Variants in BBS9 observed in about 807,000 individuals in gnomAD.
The protein encoded by BBS9 is protein PTHB1.
A neutral mutation model predicts 117.7 loss-of-function variants in BBS9; 89 were observed. The ratio of observed to expected loss-of-function variants is 0.76; its 90% CI spans 0.64 to 0.90. The LOEUF is 0.90. BBS9 is among the 40% of genes least tolerant of loss of function. The pLI is 0.00. For missense variants in BBS9, 982 were observed against 1,042.2 expected (o/e 0.94, Z 0.80); for synonymous variants, 379 against 370.9 (o/e 1.02, Z -0.25).
intron 20 of BBS9, among the ~76,000 whole-genome samples, chr7:33,520,757 G>GCCTTAAACTC (rs1848480231): frequency 6.6e-6 from 1 of 152,168 alleles, no homozygotes; most frequent in African/African-American, 2.4e-5. Context: ...AATGACCACA[G>GCCTTAAACTC]AGGAAAAGGC....
rs1318034573 is a variant in BBS9, at chr7:33,303,532, C to CCCG, written c.1016+29577_1016+29578insCGC. On this transcript the variant is annotated intron_variant, in intron 9 of 22. Coordinates refer to ENST00000242067, the MANE Select transcript of BBS9 (RefSeq NM_198428.3). ...ACTGAAATGATCCCCTCCCCCCGCC[C>CCCG]CTTCTTTCTTTGGTCTCCCTCTGTT... Among the ~76,000 whole-genome samples, 506 of 129,962 alleles carry CCCG rather than the reference C, an allele frequency of 3.9e-3. 9 individuals are homozygous for CCCG. Among genetic ancestry groups the CCCG allele is most frequent in the African/African-American group, 0.013 (440 of 32,818 alleles). The allele number at this position is 129,962 out of a possible 152,430, so 85.3% of individuals were successfully genotyped here.
At chr7:33,381,778 A>G (rs569349812) in intron 17 of BBS9, among the ~76,000 whole-genome samples, 3 of 152,144 alleles carry the variant, frequency 2.0e-5, no homozygotes, top group Non-Finnish European at 4.4e-5. Context: ...ATGGGGTATG[A>G]CTTCAGCAGC....
chr7:33,432,160 C>T (rs1343288583), intron 19 of BBS9, among the ~76,000 whole-genome samples: 1 of 150,974 alleles, frequency 6.6e-6, no homozygotes, highest in East Asian at 1.9e-4. Context: ...TCTCGTCTCA[C>T]TGCAATGGTG....
At chr7:33,527,492 G>T (rs1371123168) in intron 20 of BBS9, among the ~76,000 whole-genome samples, 8 of 152,212 alleles carry the variant, frequency 5.3e-5, no homozygotes, top group Non-Finnish European at 1.2e-4. Flanking sequence ...CAATATTCGG[G>T]TGGGAGTGAC....
chr7:33,140,185 C>A (rs996938240), intron 1 of BBS9, among the ~76,000 whole-genome samples: 1 of 152,032 alleles, frequency 6.6e-6, no homozygotes, highest in South Asian at 2.1e-4. Context: ...CCACCACACC[C>A]GGCTAATTTT....
intron 4 of BBS9, among the ~76,000 whole-genome samples, chr7:33,157,222 C>T (rs996599824): frequency 2.6e-5 from 4 of 151,966 alleles, no homozygotes; most frequent in African/African-American, 9.7e-5. Context: ...GGGCTTAGAG[C>T]ACAGACAAGG....
At chr7:33,239,202 T>C (rs1477776558) in intron 5 of BBS9, among the ~76,000 whole-genome samples, 1 of 152,072 alleles carries the variant, frequency 6.6e-6, no homozygotes, top group African/African-American at 2.4e-5. Flanking sequence ...TTTGCATAAT[T>C]TATAATAATA....
chr7:33,238,569 C>T (rs1401674474), intron 5 of BBS9, among the ~76,000 whole-genome samples: 1 of 152,160 alleles, frequency 6.6e-6, no homozygotes, highest in Non-Finnish European at 1.5e-5. Context: ...GCTGAGATTA[C>T]AGGTGTGAGA....
intron 21 of BBS9, among the ~76,000 whole-genome samples, chr7:33,623,397 A>G (rs114108030): frequency 1.6e-3 from 239 of 152,306 alleles, no homozygotes; most frequent in African/African-American, 5.5e-3. Flanking sequence ...GTTGGAAAGG[A>G]CATAGAACAG....
chr7:33,465,674 A>G (rs1343150820), intron 19 of BBS9, among the ~76,000 whole-genome samples: 1 of 152,030 alleles, frequency 6.6e-6, no homozygotes, highest in Non-Finnish European at 1.5e-5. Flanking sequence ...CAGTTTTCTC[A>G]TCTGTAAAGT....
chr7:33,164,088 A>G (rs1584243048), intron 4 of BBS9, among the ~76,000 whole-genome samples: 1 of 152,222 alleles, frequency 6.6e-6, no homozygotes, highest in East Asian at 1.9e-4. Context: ...TTCGTTATGT[A>G]CCCAGTAGTC....
intron 21 of BBS9, among the ~76,000 whole-genome samples, chr7:33,535,144 A>G (rs560267990): frequency 3.1e-4 from 47 of 152,334 alleles, no homozygotes; most frequent in African/African-American, 1.1e-3. Context: ...CTGTGGAGAC[A>G]GACAGAACAA....
chr7:33,392,278 G>A (rs1022069411), intron 19 of BBS9, among the ~76,000 whole-genome samples: 1 of 152,144 alleles, frequency 6.6e-6, no homozygotes, highest in Non-Finnish European at 1.5e-5. Context: ...TAGTTCTGTT[G>A]ATCTGGGTCA....
intron 9 of BBS9, among the ~76,000 whole-genome samples, chr7:33,305,875 G>A (rs1309143415): frequency 1.3e-5 from 2 of 151,722 alleles, no homozygotes; most frequent in African/African-American, 2.4e-5. Flanking sequence ...CTAATCTTTT[G>A]TATTGTGTTC....
intron 19 of BBS9, among the ~76,000 whole-genome samples, chr7:33,412,822 G>A (rs368406274): frequency 6.6e-6 from 1 of 152,144 alleles, no homozygotes; most frequent in Admixed American, 6.5e-5. Context: ...TGTTTTTCAT[G>A]AGCCTGAATC....
chr7:33,407,101 A>G (rs975421553), intron 19 of BBS9, among the ~76,000 whole-genome samples: 1 of 152,236 alleles, frequency 6.6e-6, no homozygotes, highest in East Asian at 1.9e-4. Flanking sequence ...CTTTTCACAT[A>G]GTCCCATATT....
intron 4 of BBS9, among the ~76,000 whole-genome samples, chr7:33,172,814 A>G (rs1444094939): frequency 2.0e-5 from 3 of 152,206 alleles, no homozygotes; most frequent in Admixed American, 1.3e-4. Context: ...TAAATATTGT[A>G]TCATCATTTG....
intron 16 of BBS9, among the ~76,000 whole-genome samples, chr7:33,360,882 G>T (rs1012671227): frequency 1.3e-5 from 2 of 152,058 alleles, no homozygotes; most frequent in Admixed American, 1.3e-4. Context: ...GGAAGCTGTG[G>T]CAGTAGTTTA....
chr7:33,338,646 GT>G (rs1193055543), intron 10 of BBS9, among the ~76,000 whole-genome samples: 1 of 152,152 alleles, frequency 6.6e-6, no homozygotes, highest in Non-Finnish European at 1.5e-5. Context: ...TTTTATGTGT[GT>G]AAGTTATAAG....
Sources: gnomAD v4.1 joint callset for allele counts (sites outside exome capture counted in the v4.1 genomes callset) on GRCh38, gnomAD v4.1.1 for gene constraint, MANE v1.5 for transcripts, NCBI Gene and HGNC (gene_info 2026-07-23, HGNC 2026-07-21) for gene names.